ATF7IP2: variants seen among roughly 807,000 people sequenced by gnomAD.
The protein encoded by ATF7IP2 is activating transcription factor 7 interacting protein 2, also known as activating transcription factor 7-interacting protein 2.
ATF7IP2 carries 42 observed loss-of-function variants against 64.2 expected under a neutral mutation model. The observed-to-expected ratio is 0.65, with a 90% CI of 0.51 to 0.85. The LOEUF is 0.85. Among genes scored for constraint, ATF7IP2 ranks in the 40% least tolerant of loss-of-function variants. ATF7IP2 has a pLI of 0.00. For synonymous variants in ATF7IP2, 308 were observed against 272.8 expected, an observed-to-expected ratio of 1.13 and a Z score of -1.27; for missense variants, 933 against 784.2, an observed-to-expected ratio of 1.19 and a Z score of -2.27.
At chr16:10,419,275 C>T (rs1385851477) in intron 2 of ATF7IP2, among the ~76,000 whole-genome samples, 1 of 152,126 alleles carries the variant, frequency 6.6e-6, no homozygotes, top group Non-Finnish European at 1.5e-5. Flanking sequence ...TGACCTTTCC[C>T]AAACAGATAG....
intron 9 of ATF7IP2, among the ~76,000 whole-genome samples, chr16:10,468,004 C>T (rs542168206): frequency 5.3e-5 from 8 of 151,768 alleles, no homozygotes; most frequent in Admixed American, 4.6e-4. Context: ...CTCAGCCTCC[C>T]GAGTAGCTGG....
chr16:10,411,929 TCTTGGTTAA>T, intron 1 of ATF7IP2, among the ~76,000 whole-genome samples: 1 of 150,788 alleles, frequency 6.6e-6, no homozygotes, highest in South Asian at 2.1e-4. Context: ...CCTCAGCTTT[TCTTGGTTAA>T]TCTTGCTAAT....
intron 3 of ATF7IP2, among the ~76,000 whole-genome samples, chr16:10,422,326 C>T (rs935275538): frequency 9.9e-5 from 15 of 152,154 alleles, no homozygotes; most frequent in African/African-American, 2.7e-4. Context: ...GAAGCAGTTC[C>T]TTCAAACTTT....
chr16:10,451,786 C>T (rs755237377), intron 8 of ATF7IP2, among the ~76,000 whole-genome samples: 2 of 151,908 alleles, frequency 1.3e-5, no homozygotes, highest in African/African-American at 2.4e-5. Flanking sequence ...AGGCTGGGTA[C>T]ACTGGCTCAC....
chr16:10,400,306 G>A (rs2141768309), intron 1 of ATF7IP2, among the ~76,000 whole-genome samples: 1 of 152,348 alleles, frequency 6.6e-6, no homozygotes, highest in South Asian at 2.1e-4. Flanking sequence ...CTCCCAAAGT[G>A]TTGGGATTAC....
At chr16:10,471,084 T>TA (rs1253631395) in intron 9 of ATF7IP2, among the ~76,000 whole-genome samples, 16 of 152,090 alleles carry the variant, frequency 1.1e-4, no homozygotes, top group African/African-American at 3.9e-4. Flanking sequence ...CGATGTAGTT[T>TA]AACAGGAAAA....
At chr16:10,395,252 C>G (rs1299426271) in intron 1 of ATF7IP2, among the ~76,000 whole-genome samples, 1 of 151,842 alleles carries the variant, frequency 6.6e-6, no homozygotes, top group Non-Finnish European at 1.5e-5. Flanking sequence ...TAAAAAGACA[C>G]AAAACTGCCA....
intron 8 of ATF7IP2, chr16:10,447,177 C>G (rs1303773253): frequency 6.6e-6 from 1 of 152,422 alleles, no homozygotes; most frequent in African/African-American, 2.4e-5. Flanking sequence ...CTCCAAGATA[C>G]TCCAACCATC....
At chr16:10,423,738 C>A (rs2048031475) in intron 3 of ATF7IP2, among the ~76,000 whole-genome samples, 1 of 152,158 alleles carries the variant, frequency 6.6e-6, no homozygotes, top group Admixed American at 6.5e-5. Context: ...TCTTATGTTA[C>A]TTCATTACAC....
chr16:10,453,927 C>T (rs1438026152), intron 8 of ATF7IP2: 1 of 152,270 alleles, frequency 6.6e-6, no homozygotes, highest in Non-Finnish European at 1.5e-5. Context: ...AGGCATGAGC[C>T]ACTACGCCTG....
At chr16:10,433,750 C>A (rs2141891316) in intron 6 of ATF7IP2, 101 bp downstream of exon 6, 2 of 1,349,826 alleles carry the variant, frequency 1.5e-6, no homozygotes, top group South Asian at 2.5e-5. Context: ...AGACGACTTT[C>A]ACTTGCTGCA....
chr16:10,390,809 GA>G (rs937961914), intron 1 of ATF7IP2, among the ~76,000 whole-genome samples: 1 of 152,012 alleles, frequency 6.6e-6, no homozygotes, highest in Admixed American at 6.6e-5. Flanking sequence ...AAGAGAGACT[GA>G]AAAAATATCT....
intron 1 of ATF7IP2, among the ~76,000 whole-genome samples, chr16:10,393,993 G>C (rs997920361): frequency 1.4e-4 from 22 of 152,252 alleles, no homozygotes; most frequent in Middle Eastern, 3.4e-3. Context: ...AGTGAGCTCT[G>C]ATCTCAGCAC....
intron 12 of ATF7IP2, among the ~76,000 whole-genome samples, chr16:10,475,113 C>T (rs552272167): frequency 1.3e-5 from 2 of 151,632 alleles, no homozygotes; most frequent in East Asian, 3.9e-4. Flanking sequence ...GGAAATTCTT[C>T]AAATGATAGT....
chr16:10,464,695 G>A lies in ATF7IP2; in HGVS notation c.1352+7166G>A, dbSNP rs528292533. On this transcript the variant is annotated intron_variant, in intron 9 of 13. Transcript: ENST00000562102. ...ATCCTGCCTAAAAAAATCTTGCATT[G>A]AATTTCGTGTGATAAGGAAATGTTT... Among the ~76,000 whole-genome samples, 5 of 152,302 alleles carry A rather than the reference G, an allele frequency of 3.3e-5. No individual in the cohort carries two copies. The South Asian group carries it at 8.3e-4, about 25-fold the overall frequency.
At chr16:10,399,837 T>A (rs2047492093) in intron 1 of ATF7IP2, among the ~76,000 whole-genome samples, 1 of 152,180 alleles carries the variant, frequency 6.6e-6, no homozygotes, top group African/African-American at 2.4e-5. Context: ...TATTTTTCCA[T>A]TTGTGTCAGC....
intron 1 of ATF7IP2, among the ~76,000 whole-genome samples, chr16:10,410,734 A>G (rs958834873): frequency 1.1e-4 from 16 of 152,160 alleles, no homozygotes; most frequent in African/African-American, 2.2e-4. Context: ...TATGTTGGCA[A>G]TTCTTTAATT....
intron 8 of ATF7IP2, among the ~76,000 whole-genome samples, chr16:10,442,027 C>A (rs1262263923): frequency 6.6e-6 from 1 of 152,212 alleles, no homozygotes; most frequent in Non-Finnish European, 1.5e-5. Flanking sequence ...TCTGTGTCCT[C>A]CCCCCATTAA....
At chr16:10,434,273 G>A (rs1225870846) in intron 6 of ATF7IP2, among the ~76,000 whole-genome samples, 4 of 152,138 alleles carry the variant, frequency 2.6e-5, no homozygotes, top group African/African-American at 9.7e-5. Flanking sequence ...AGTGTATGTA[G>A]CGTGTTTCAG....
Sources: allele counts gnomAD v4.1 joint callset (sites outside exome capture counted in the v4.1 genomes callset), GRCh38; gene constraint gnomAD v4.1.1; transcripts MANE v1.5; gene names NCBI Gene and HGNC (gene_info 2026-07-23, HGNC 2026-07-21).